Variants in ARHGAP39 observed in about 807,000 individuals in gnomAD.
ARHGAP39 encodes Rho GTPase activating protein 39.
A neutral mutation model predicts 106.9 loss-of-function variants in ARHGAP39; 44 were observed. That is an observed-to-expected ratio of 0.41 (90% CI 0.32 to 0.53). The LOEUF is 0.53. Ranked by LOEUF, ARHGAP39 falls within the 20% of genes least tolerant of loss-of-function variation. The pLI is 0.21. For missense variants in ARHGAP39, 1,496 were observed against 1,577.3 expected, an observed-to-expected ratio of 0.95 and a Z score of 0.87; for synonymous variants, 768 against 693.2, an observed-to-expected ratio of 1.11 and a Z score of -1.69.
chr8:144,562,181 C>T (rs1385928954), intron 3 of ARHGAP39, among the ~76,000 whole-genome samples: 2 of 151,020 alleles, frequency 1.3e-5, no homozygotes, highest in African/African-American at 4.9e-5. Flanking sequence ...CTTTCCATCA[C>T]ATCCCAGTGG....
chr8:144,620,033 G>A (rs1278380768), intron 1 of ARHGAP39, among the ~76,000 whole-genome samples: 9 of 139,894 alleles, frequency 6.4e-5, no homozygotes, highest in South Asian at 2.4e-4. Flanking sequence ...AGTGTGTGCC[G>A]GTGTTTGTGT....
intron 1 of ARHGAP39, among the ~76,000 whole-genome samples, chr8:144,676,142 C>G (rs1822231972): frequency 6.6e-6 from 1 of 152,204 alleles, no homozygotes; most frequent in African/African-American, 2.4e-5. Context: ...TGGAAGGGGA[C>G]CCCAGCGTGT....
At chr8:144,530,644 A>AGGGGGGGGGGGGGGGGGG in intron 11 of ARHGAP39, 28 bp from the exon 12 acceptor site, 1 of 189,572 alleles carries the variant, frequency 5.3e-6, no homozygotes, top group South Asian at 7.8e-5. Context: ...GTGGGCGCGG[A>AGGGGGGGGGGGGGGGGGG]GGGGCGGGGG....
At chr8:144,569,667 G>C (rs867358294) in intron 3 of ARHGAP39, among the ~76,000 whole-genome samples, 2 of 152,222 alleles carry the variant, frequency 1.3e-5, no homozygotes, top group African/African-American at 4.8e-5. Flanking sequence ...GGAGGGCAAG[G>C]AGACTTCTGG....
chr8:144,549,642 G>A (rs951672922), intron 4 of ARHGAP39, among the ~76,000 whole-genome samples: 2 of 152,040 alleles, frequency 1.3e-5, no homozygotes, highest in African/African-American at 2.4e-5. Flanking sequence ...ACAGGCACAC[G>A]CCACCAGGCC....
chr8:144,562,509 CACTCCAGTGGTTTCCATCGG>C (rs1304979335), intron 3 of ARHGAP39, among the ~76,000 whole-genome samples: 2 of 131,012 alleles, frequency 1.5e-5, no homozygotes, highest in African/African-American at 7.8e-5. Flanking sequence ...CCATCGGACT[CACTCCAGTGGTTTCCATCGG>C]ACTCCAGTGG....
chr8:144,685,182 C>T (rs913875318), intron 1 of ARHGAP39, among the ~76,000 whole-genome samples: 1 of 151,558 alleles, frequency 6.6e-6, no homozygotes, highest in African/African-American at 2.4e-5. Context: ...ACACTCACAC[C>T]CCCCTGGGGC....
intron 3 of ARHGAP39, among the ~76,000 whole-genome samples, chr8:144,572,481 A>G (rs1818620712): frequency 6.6e-6 from 1 of 152,216 alleles, no homozygotes; most frequent in African/African-American, 2.4e-5. Context: ...TTAATTCAAG[A>G]TGGATTAAAG....
chr8:144,555,047 C>T (rs1817864237), intron 4 of ARHGAP39, among the ~76,000 whole-genome samples: 1 of 152,186 alleles, frequency 6.6e-6, no homozygotes, highest in Non-Finnish European at 1.5e-5. Context: ...CCTGCCTCTG[C>T]CTGGATATCC....
At chr8:144,590,901 T>C (rs1213735242) in intron 2 of ARHGAP39, among the ~76,000 whole-genome samples, 1 of 151,382 alleles carries the variant, frequency 6.6e-6, no homozygotes, top group South Asian at 2.1e-4. Flanking sequence ...GAGGTCGCCC[T>C]GAACCCCAGC....
At chr8:144,694,545 C>T in the ARHGAP39 span, among the ~76,000 whole-genome samples, 31 of 152,328 alleles carry the variant, frequency 2.0e-4, no homozygotes, top group Non-Finnish European at 4.0e-4. Flanking sequence ...TAACGCCGTT[C>T]CCCCACTACA....
chr8:144,533,373 ACC>A, intron 8 of ARHGAP39, 48 bp from the exon 9 acceptor site: 1 of 1,558,466 alleles, frequency 6.4e-7, no homozygotes, highest in Non-Finnish European at 8.8e-7. Flanking sequence ...CATCCTCAGG[ACC>A]CCCCGCCACC....
chr8:144,533,002 C>T, intron 9 of ARHGAP39, 124 bp downstream of exon 9: 1 of 1,195,704 alleles, frequency 8.4e-7, no homozygotes, highest in South Asian at 1.4e-5. Context: ...CTTCCATCTG[C>T]TCTCAGGTAT....
the ARHGAP39 span, among the ~76,000 whole-genome samples, chr8:144,699,446 G>C: frequency 2.1e-5 from 3 of 140,240 alleles, no homozygotes; most frequent in Non-Finnish European, 4.7e-5. Flanking sequence ...GGGGCCTTGA[G>C]GCGGGGGTGG....
rs1015653488 is a variant in ARHGAP39, at chr8:144,645,116, A to G, written c.-81-39421T>C. ...TCCACAGTTAAACTGCAACTCTCTA[A>G]CAAGAAGTGGGTCCTAAGCCTGGCT... On this transcript the variant is annotated intron_variant, in intron 1 of 11. Coordinates refer to ENST00000377307, the MANE Select transcript of ARHGAP39 (RefSeq NM_025251.3). The surrounding 1 kb of genome is among the most constrained non-coding windows in gnomAD (Gnocchi z 4.4). Among the ~76,000 whole-genome samples, 1 of 152,130 alleles carries G rather than the reference A, an allele frequency of 6.6e-6. No individual in the cohort carries two copies. The highest frequency in any genetic ancestry group is 2.4e-5 in the African/African-American group (1 of 41,434).
intron 3 of ARHGAP39, among the ~76,000 whole-genome samples, chr8:144,564,810 T>TAAA (rs761575851): frequency 9.1e-6 from 1 of 109,508 alleles, no homozygotes; most frequent in African/African-American, 3.3e-5. Context: ...GTGAGATCTC[T>TAAA]AAAAAAAAAA....
At chr8:144,622,340 A>AC (rs796426512) in intron 1 of ARHGAP39, among the ~76,000 whole-genome samples, 136 of 151,126 alleles carry the variant, frequency 9.0e-4, no homozygotes, top group African/African-American at 3.2e-3. Context: ...ATGTCCTCAC[A>AC]CCCCCATGGC....
chr8:144,598,073 A>C (rs927277663), intron 2 of ARHGAP39, among the ~76,000 whole-genome samples: 1 of 152,238 alleles, frequency 6.6e-6, no homozygotes, highest in Non-Finnish European at 1.5e-5. Flanking sequence ...GAGTCCGGCC[A>C]GAGTAGGAGC....
At chr8:144,674,388 T>A (rs1822178445) in intron 1 of ARHGAP39, among the ~76,000 whole-genome samples, 1 of 152,200 alleles carries the variant, frequency 6.6e-6, no homozygotes, top group African/African-American at 2.4e-5. Flanking sequence ...AGACTCGGAC[T>A]GGTTAGCTCC....
Sources: gnomAD v4.1 joint callset for allele counts (sites outside exome capture counted in the v4.1 genomes callset) on GRCh38, gnomAD v4.1.1 for gene constraint, Gnocchi (gnomAD v3.1) non-coding constraint, MANE v1.5 for transcripts, NCBI Gene and HGNC (gene_info 2026-07-23, HGNC 2026-07-21) for gene names.